Variants in SLC29A3 observed in about 807,000 individuals in gnomAD.
SLC29A3 encodes the protein equilibrative nucleoside transporter 3.
A neutral mutation model predicts 25.4 loss-of-function variants in SLC29A3; 18 were observed. The observed-to-expected ratio is 0.71, with a 90% confidence interval of 0.49 to 1.05. The LOEUF (loss-of-function observed/expected upper bound fraction) is 1.05, where lower values mean the gene tolerates loss of function less well. Ranked by LOEUF, SLC29A3 falls within the 50% of genes least tolerant of loss-of-function variation. The pLI, the probability that SLC29A3 is intolerant of heterozygous loss-of-function variation, is 0.00. For missense variants in SLC29A3, 586 were observed against 609.0 expected, an observed-to-expected ratio of 0.96 and a Z score of 0.40; for synonymous variants, 258 against 267.1, an observed-to-expected ratio of 0.97 and a Z score of 0.33.
Position 71,351,621 on chromosome 10 carries a change from T to G in SLC29A3, c.443T>G (p.Val148Gly). 1 of 1,614,190 alleles carries G rather than the reference T, an allele frequency of 6.2e-7. No individual in the cohort carries two copies. Among genetic ancestry groups the G allele is most frequent in the Non-Finnish European group, 8.5e-7 (1 of 1,180,010 alleles). ...ACGGTCATCCTGGCCATCTTCATGG[T>G]GATAACTGCACTGGTGAAGGTGGAC... The part of the protein sequence containing the change: ...SLTVILAIFM[V>G]ITALVKVDTS... Residue 148 changes from valine to glycine, a missense_variant, in exon 4 of 6, where the codon GTG becomes GGG. Coordinates refer to ENST00000373189, the MANE Select transcript of SLC29A3 (RefSeq NM_018344.6).
intron 2 of SLC29A3, among the ~76,000 whole-genome samples, chr10:71,336,595 G>A (rs1040283960): frequency 1.3e-5 from 2 of 151,758 alleles, no homozygotes; most frequent in South Asian, 2.1e-4. Context: ...TTACCCAAAG[G>A]GAGACCTAAG....
At position 71,359,347 on chromosome 10, in the gene SLC29A3, G is replaced by A. The variant is rs139678164; in HGVS notation, c.774-2607G>A. On this transcript the variant is annotated intron_variant, in intron 5 of 5. Coordinates refer to ENST00000373189, the MANE Select transcript of SLC29A3 (RefSeq NM_018344.6). Reference sequence around the variant, plus strand: ...GGACTAAATCTTCCTGAAAAGGCAAGCTCGCCCGTCCTACATTTGGGAGAG... The same window carrying A: ...GGACTAAATCTTCCTGAAAAGGCAAACTCGCCCGTCCTACATTTGGGAGAG... Among the ~76,000 whole-genome samples, 257 of 152,312 alleles carry A rather than the reference G, an allele frequency of 1.7e-3. 2 individuals carry two copies. The highest frequency in any genetic ancestry group is 5.9e-3 in the African/African-American group (244 of 41,570).
intron 2 of SLC29A3, among the ~76,000 whole-genome samples, chr10:71,324,339 A>G (rs1564525700): frequency 6.6e-6 from 1 of 152,246 alleles, no homozygotes; most frequent in Non-Finnish European, 1.5e-5. Flanking sequence ...TGAAACCTGC[A>G]TATACAGAGG....
At chr10:71,366,653 GCTCC>G (rs1564545498), downstream of SLC29A3, among the ~76,000 whole-genome samples, 3 of 151,588 alleles carry the variant, frequency 2.0e-5, no homozygotes, top group African/African-American at 7.3e-5. Flanking sequence ...TCCACTCAGT[GCTCC>G]AGGGAGAAGA....
chr10:71,362,811 C>G lies in SLC29A3; in HGVS notation c.*203C>G. 1 of 715,532 alleles carries G rather than the reference C, an allele frequency of 1.4e-6. No individual in the cohort carries two copies. The allele number at this position is 715,532 out of a possible 1,614,324, so 44.3% of individuals were successfully genotyped here. On this transcript the variant is annotated 3_prime_UTR_variant, in exon 6 of 6. Transcript: ENST00000373189. Reference sequence around the variant, plus strand: ...AAGGCAGATATTCCAGTCATATTAACAGAACACTCCTGAGACAGTTGAAGA... The same window carrying G: ...AAGGCAGATATTCCAGTCATATTAAGAGAACACTCCTGAGACAGTTGAAGA...
At chr10:71,337,871 C>A (rs1211254460) in intron 2 of SLC29A3, among the ~76,000 whole-genome samples, 1 of 152,242 alleles carries the variant, frequency 6.6e-6, no homozygotes, top group East Asian at 1.9e-4. Flanking sequence ...ATGGGCCTCA[C>A]ATCTGGCCAG....
chr10:71,324,105 A>C, intron 2 of SLC29A3, among the ~76,000 whole-genome samples: 1 of 152,192 alleles, frequency 6.6e-6, no homozygotes, highest in East Asian at 1.9e-4. Flanking sequence ...GTAGTAGGGG[A>C]GATAAATGGA....
At chr10:71,352,352 C>T (rs1156550078) in intron 4 of SLC29A3, among the ~76,000 whole-genome samples, 1 of 152,164 alleles carries the variant, frequency 6.6e-6, no homozygotes, top group Non-Finnish European at 1.5e-5. Context: ...AAGTCTCCCA[C>T]CGTGACTGTG....
downstream of SLC29A3, among the ~76,000 whole-genome samples, chr10:71,367,720 C>T (rs114859142): frequency 1.1e-3 from 171 of 152,352 alleles, 1 homozygote; most frequent in African/African-American, 3.8e-3. Flanking sequence ...CTACAAGGTT[C>T]CAGCCAGCTG....
chr10:71,363,808 C>CTTTTTTTTTTTTTTTTTT (rs71012277), downstream of SLC29A3, among the ~76,000 whole-genome samples: 49 of 103,708 alleles, frequency 4.7e-4, 4 homozygotes, highest in Non-Finnish European at 5.9e-4. Context: ...TTTCCTTTTT[C>CTTTTTTTTTTTTTTTTTT]TTTTCTTTTT....
chr10:71,374,558 G>C (rs936642206), intron 3 of SLC29A3, among the ~76,000 whole-genome samples: 2 of 152,160 alleles, frequency 1.3e-5, no homozygotes, highest in African/African-American at 4.8e-5. Flanking sequence ...GGCCTGAGAA[G>C]CCTAGATTTT....
intron 2 of SLC29A3, among the ~76,000 whole-genome samples, chr10:71,332,298 C>T (rs896990843): frequency 2.0e-5 from 3 of 151,630 alleles, no homozygotes; most frequent in East Asian, 1.9e-4. Flanking sequence ...TACAGGCGCC[C>T]GCCACCACAC....
In SLC29A3 at chr10:71,362,095, G is replaced by C. The variant is rs1046944911; in HGVS notation, c.915G>C (p.Thr305=). 2.5e-6 allele frequency: 4 copies of C among 1,613,868 alleles called. No individual in the cohort carries two copies. In the African/African-American group the frequency reaches 5.3e-5, roughly 22 times the overall value. The part of the protein sequence containing the change: ...TPPLRPILKK[T]ASLGFCVTYV... ...CTCTCCGCCCCATCCTGAAGAAGAC[G>C]GCCAGCCTGGGCTTCTGTGTCACCT... Residue 305 remains threonine, a synonymous_variant, in exon 6 of 6, where the codon ACG becomes ACC. Coordinates refer to ENST00000373189, the MANE Select transcript of SLC29A3 (RefSeq NM_018344.6).
At chr10:71,323,089 G>T (rs766381598) in intron 2 of SLC29A3, 35 bp downstream of exon 2, 315 of 1,610,364 alleles carry the variant, frequency 2.0e-4, no homozygotes, top group Non-Finnish European at 2.4e-4. Context: ...GCTGGTGGGA[G>T]CATACAGAGG....
chr10:71,360,114 C>T (rs1564542136), intron 5 of SLC29A3, among the ~76,000 whole-genome samples: 1 of 150,734 alleles, frequency 6.6e-6, no homozygotes, highest in Admixed American at 6.6e-5. Flanking sequence ...GTCCTTGCTC[C>T]AGGAACCTGT....
At chr10:71,338,758 A>C (rs940471931) in intron 2 of SLC29A3, among the ~76,000 whole-genome samples, 1 of 151,950 alleles carries the variant, frequency 6.6e-6, no homozygotes, top group Non-Finnish European at 1.5e-5. Context: ...CTCTGTCTCG[A>C]AAAAAAAGAA....
At chr10:71,319,974 G>C (rs985659325) in intron 1 of SLC29A3, among the ~76,000 whole-genome samples, 1 of 152,206 alleles carries the variant, frequency 6.6e-6, no homozygotes, top group African/African-American at 2.4e-5. Context: ...CTTGTTTTGG[G>C]GAAGGTTGGG....
rs764417241 is a variant in SLC29A3, at chr10:71,362,524, C to G, written c.1344C>G (p.Ala448=). Residue 448 remains alanine (A), a synonymous_variant, in exon 6 of 6, where the codon GCC becomes GCG. Coordinates refer to ENST00000373189, the MANE Select transcript of SLC29A3 (RefSeq NM_018344.6). ...TTGTGCCCAGGGAGCTGGCTGAGGC[C>G]ACGGGAGTGGTGATGTCCTTTTATG... is the stretch of plus-strand genomic sequence containing the variant. The part of the protein sequence containing the change: ...PKIVPRELAE[A]TGVVMSFYVC... The G allele has an allele frequency of 5.0e-6, 8 of 1,614,042 alleles. No homozygotes were observed. The highest frequency in any genetic ancestry group is 4.0e-5 in the African/African-American group (3 of 74,920).
intron 2 of SLC29A3, among the ~76,000 whole-genome samples, chr10:71,330,812 T>C (rs1401678823): frequency 6.6e-6 from 1 of 152,208 alleles, no homozygotes. Context: ...GCAATATTTA[T>C]TAAGCAATCT....
Sources: gnomAD v4.1 joint callset for allele counts (sites outside exome capture counted in the v4.1 genomes callset) on GRCh38, gnomAD v4.1.1 for gene constraint, MANE v1.5 for transcripts, NCBI Gene and HGNC (gene_info 2026-07-23, HGNC 2026-07-21) for gene names.